The following LRP1B variants were observed in gnomAD, a reference collection of about 807,000 sequenced individuals.
The protein encoded by LRP1B is low-density lipoprotein receptor-related protein 1B.
In LRP1B, 217 loss-of-function variants were observed where a neutral mutation model predicts 556.6. The observed-to-expected ratio is 0.39, with a 90% CI of 0.35 to 0.44. LRP1B has a LOEUF of 0.44. Among genes scored for constraint, LRP1B ranks in the 20% least tolerant of loss-of-function variants. The pLI is 1.00. For synonymous variants in LRP1B, 2,047 were observed against 1,865.8 expected (o/e 1.10, Z -2.50); for missense variants, 5,053 against 5,620.8 (o/e 0.90, Z 3.23).
chr2:142,013,749 G>A (rs1703030406), intron 1 of LRP1B, among the ~76,000 whole-genome samples: 1 of 151,926 alleles, frequency 6.6e-6, no homozygotes, highest in African/African-American at 2.4e-5. Context: ...TAAAAAAGTA[G>A]GAATATTTGG....
chr2:141,558,308 G>A lies in LRP1B; in HGVS notation c.206-77775C>T, dbSNP rs534535854. 3.3e-5 allele frequency among the ~76,000 whole-genome samples: 5 copies of A among 151,826 alleles called. No individual in the cohort carries two copies. In the South Asian group the frequency reaches 1.0e-3, roughly 32 times the overall value. On this transcript the variant is annotated intron_variant, in intron 2 of 90. Coordinates refer to ENST00000389484, the MANE Select transcript of LRP1B (RefSeq NM_018557.3). ...AGTTATGTTAGGAAAGGCTGCTGGT[G>A]GGCATCTCCTCATCATTCGTCAGGC...
chr2:140,238,164 TATC>T lies in LRP1B; in HGVS notation c.13545_13547del (p.Met4515del). 1 of 1,602,498 alleles carries T rather than the reference TATC, an allele frequency of 6.2e-7. No homozygotes were observed. On this transcript the variant is annotated inframe_deletion, in exon 89 of 91. Transcript: ENST00000389484. ...TAAGACATACTACCTTTGTTGGGTC[TATC>T]ATAAAGCCAGGATCTAAAAGACCTC...
intron 7 of LRP1B, among the ~76,000 whole-genome samples, chr2:141,187,623 T>C (rs1185630179): frequency 6.6e-6 from 1 of 152,044 alleles, no homozygotes; most frequent in Non-Finnish European, 1.5e-5. Flanking sequence ...GAACTGAGTT[T>C]TCCTCCTGGC....
chr2:140,499,137 G>C (rs1278002355), intron 55 of LRP1B, among the ~76,000 whole-genome samples: 1 of 151,838 alleles, frequency 6.6e-6, no homozygotes, highest in Non-Finnish European at 1.5e-5. Flanking sequence ...ATTTATGTGT[G>C]AGGAATGTTT....
intron 3 of LRP1B, among the ~76,000 whole-genome samples, chr2:141,442,138 C>T (rs1681000805): frequency 6.6e-6 from 1 of 152,016 alleles, no homozygotes; most frequent in African/African-American, 2.4e-5. Flanking sequence ...TTTCCATTTC[C>T]AAATTGTGCA....
chr2:140,353,823 G>C (rs1333534657), intron 75 of LRP1B, among the ~76,000 whole-genome samples: 2 of 152,024 alleles, frequency 1.3e-5, no homozygotes, highest in East Asian at 3.9e-4. Flanking sequence ...AGAGAACAAA[G>C]ATTTGGGCAC....
intron 41 of LRP1B, among the ~76,000 whole-genome samples, chr2:140,687,213 G>A (rs1261909084): frequency 6.6e-6 from 1 of 152,068 alleles, no homozygotes; most frequent in African/African-American, 2.4e-5. Context: ...CCAAGGAAAT[G>A]GAAAGGAATC....
At chr2:140,923,193 G>C (rs747689531) in intron 20 of LRP1B, 46 bp from the exon 21 acceptor site, 21 of 1,424,432 alleles carry the variant, frequency 1.5e-5, no homozygotes, top group Non-Finnish European at 1.8e-5. Context: ...GGCAAGACAG[G>C]AGAGAAATTA....
chr2:141,352,505 AC>A (rs1180628294), intron 3 of LRP1B, among the ~76,000 whole-genome samples: 4 of 151,848 alleles, frequency 2.6e-5, no homozygotes, highest in African/African-American at 9.7e-5. Context: ...TAGAGTAAGC[AC>A]CTTTTGGTTC....
chr2:141,243,619 A>C (rs1683961360), intron 5 of LRP1B, among the ~76,000 whole-genome samples: 1 of 152,122 alleles, frequency 6.6e-6, no homozygotes, highest in African/African-American at 2.4e-5. Context: ...TGCATACTTA[A>C]ATTAAAATTA....
intron 35 of LRP1B, among the ~76,000 whole-genome samples, chr2:140,727,583 AAG>A (rs999788265): frequency 2.6e-5 from 4 of 152,178 alleles, no homozygotes; most frequent in African/African-American, 9.6e-5. Flanking sequence ...TAAGATGTGC[AAG>A]AATAATTTAC....
At chr2:140,408,184 G>A (rs932820912) in intron 66 of LRP1B, among the ~76,000 whole-genome samples, 1 of 151,912 alleles carries the variant, frequency 6.6e-6, no homozygotes, top group Non-Finnish European at 1.5e-5. Context: ...TACAGGCGAT[G>A]TGGGAGTGGG....
chr2:140,390,670 G>T (rs909585887), intron 66 of LRP1B, among the ~76,000 whole-genome samples: 1 of 151,776 alleles, frequency 6.6e-6, no homozygotes, highest in Non-Finnish European at 1.5e-5. Flanking sequence ...TAAATAAAGA[G>T]ATTTATCACA....
At chr2:141,188,632 T>A (rs2105194359) in intron 6 of LRP1B, 49 bp from the exon 7 acceptor site, 1 of 1,509,526 alleles carries the variant, frequency 6.6e-7, no homozygotes. Flanking sequence ...CAATCTAGCA[T>A]CATGATCCAA....
chr2:140,514,268 T>C (rs1574026144), intron 51 of LRP1B, among the ~76,000 whole-genome samples: 1 of 151,926 alleles, frequency 6.6e-6, no homozygotes, highest in South Asian at 2.1e-4. Context: ...GTGTGGCTTG[T>C]GGCAGTATAA....
At chr2:141,536,678 A>C (rs542690283) in intron 2 of LRP1B, among the ~76,000 whole-genome samples, 89 of 152,202 alleles carry the variant, frequency 5.8e-4, no homozygotes, top group Middle Eastern at 3.4e-3. Flanking sequence ...GAACTAGAGA[A>C]GCTTATTTTG....
intron 84 of LRP1B, among the ~76,000 whole-genome samples, chr2:140,292,450 A>G (rs571457831): frequency 6.6e-6 from 1 of 152,104 alleles, no homozygotes; most frequent in Non-Finnish European, 1.5e-5. Flanking sequence ...CCCTCTTTGC[A>G]TATGCTGCTC....
chr2:140,520,798 G>GAAAAAAAAA (rs757383865), intron 49 of LRP1B, among the ~76,000 whole-genome samples: 2,074 of 85,472 alleles, frequency 0.024, 2 homozygotes, highest in Non-Finnish European at 0.029. Context: ...TAAGAAAACA[G>GAAAAAAAAA]AAAAAAAAAA....
At chr2:141,488,475 G>T (rs1244223762) in intron 2 of LRP1B, among the ~76,000 whole-genome samples, 1 of 152,026 alleles carries the variant, frequency 6.6e-6, no homozygotes, top group Non-Finnish European at 1.5e-5. Flanking sequence ...ACACTGAGGG[G>T]TATGAGGATT....
Sources: gnomAD v4.1 joint callset for allele counts (sites outside exome capture counted in the v4.1 genomes callset) on GRCh38, gnomAD v4.1.1 for gene constraint, MANE v1.5 for transcripts, NCBI Gene and HGNC (gene_info 2026-07-23, HGNC 2026-07-21) for gene names.